TBL1X: variants seen among roughly 807,000 people sequenced by gnomAD.
The protein encoded by TBL1X is F-box-like/WD repeat-containing protein TBL1X.
In TBL1X, 10 loss-of-function variants were observed where a neutral mutation model predicts 50.7. The observed-to-expected ratio is 0.20, with a 90% CI of 0.12 to 0.33. The LOEUF (loss-of-function observed/expected upper bound fraction) is 0.33, where lower values mean the gene tolerates loss of function less well. Ranked by LOEUF, TBL1X falls within the 10% of genes least tolerant of loss-of-function variation. The probability of loss-of-function intolerance (pLI) is 1.00; values close to 1 mark genes in which losing one functional copy is unlikely to be tolerated. For missense variants in TBL1X, 340 were observed against 504.4 expected (o/e 0.67, Z 3.12); for synonymous variants, 190 against 214.7 (o/e 0.88, Z 1.01).
At chrX:9,712,970 C>T (rs966001085) in intron 16 of TBL1X, among the ~76,000 whole-genome samples, 3 of 111,516 alleles carry the variant, frequency 2.7e-5, no homozygotes, top group Non-Finnish European at 5.7e-5. Flanking sequence ...CTTCCCCCTG[C>T]CCCCTTTCAT....
At chrX:9,665,489 C>CTATATA (rs56756151) in intron 5 of TBL1X, among the ~76,000 whole-genome samples, 229 of 19,764 alleles carry the variant, frequency 0.012, 6 homozygotes, top group Non-Finnish European at 0.013. Context: ...GATATTCAAG[C>CTATATA]TATATATATA....
intron 5 of TBL1X, among the ~76,000 whole-genome samples, chrX:9,676,124 C>G (rs1404949383): frequency 8.9e-6 from 1 of 112,239 alleles, no homozygotes; most frequent in Non-Finnish European, 1.9e-5. Context: ...TTCATGCTGT[C>G]TTCCAATTTC....
At chrX:9,551,042 A>G (rs1409124889) in intron 2 of TBL1X, among the ~76,000 whole-genome samples, 1 of 110,819 alleles carries the variant, frequency 9.0e-6, no homozygotes, top group Admixed American at 9.6e-5. Flanking sequence ...GATGTGTAGG[A>G]GCTTTACTTT....
At chrX:9,529,282 A>G (rs1271013622) in intron 2 of TBL1X, among the ~76,000 whole-genome samples, 2 of 110,222 alleles carry the variant, frequency 1.8e-5, no homozygotes, top group Non-Finnish European at 3.8e-5. Context: ...CAGAGATGGC[A>G]TGGCCCTCAA....
At chrX:9,480,028 G>A (rs1286459616) in intron 1 of TBL1X, among the ~76,000 whole-genome samples, 2 of 108,297 alleles carry the variant, frequency 1.8e-5, no homozygotes, top group South Asian at 4.0e-4. Context: ...TCGGCTCACC[G>A]CAACCTCCGC....
chrX:9,609,336 G>GGTTGTGTGTGTGT (rs1555900203), intron 2 of TBL1X, among the ~76,000 whole-genome samples: 8 of 94,773 alleles, frequency 8.4e-5, no homozygotes, highest in African/African-American at 3.2e-4. Context: ...TTTTCTTCCA[G>GGTTGTGTGTGTGT]GTGTGTGTGT....
At chrX:9,594,021 CGCTCGGG>C (rs1447731647) in intron 2 of TBL1X, among the ~76,000 whole-genome samples, 3 of 112,358 alleles carry the variant, frequency 2.7e-5, no homozygotes, top group Admixed American at 9.4e-5. Flanking sequence ...AACTCTGCCC[CGCTCGGG>C]GTTACTGGCC....
chrX:9,558,587 C>T (rs755205432), intron 2 of TBL1X, among the ~76,000 whole-genome samples: 11 of 110,195 alleles, frequency 1.0e-4, no homozygotes, highest in Non-Finnish European at 1.7e-4. Context: ...CTGTTTGTTG[C>T]GGCATCACTT....
chrX:9,633,963 G>A (rs1274046334), intron 2 of TBL1X, among the ~76,000 whole-genome samples: 2 of 111,354 alleles, frequency 1.8e-5, no homozygotes, highest in East Asian at 2.8e-4. Context: ...CCCAGGATAC[G>A]TACGTGCAGC....
At chrX:9,636,696 G>A (rs936970148) in intron 2 of TBL1X, 1 of 112,197 alleles carries the variant, frequency 8.9e-6, no homozygotes, top group African/African-American at 3.2e-5. Context: ...TTCGAGGAAT[G>A]CCCCTTTCTG....
chrX:9,581,000 G>C (rs1345292937), intron 2 of TBL1X, among the ~76,000 whole-genome samples: 1 of 111,933 alleles, frequency 8.9e-6, no homozygotes, highest in Non-Finnish European at 1.9e-5. Flanking sequence ...CGTCTTTCAG[G>C]ATAAATTTAG....
intron 1 of TBL1X, among the ~76,000 whole-genome samples, chrX:9,489,671 G>A: frequency 9.0e-6 from 1 of 111,632 alleles, no homozygotes; most frequent in African/African-American, 3.3e-5. Context: ...TAAAGTCTCT[G>A]TTTGTCACTA....
chrX:9,511,085 A>C (rs765346894), intron 2 of TBL1X, among the ~76,000 whole-genome samples: 1 of 112,274 alleles, frequency 8.9e-6, no homozygotes, highest in Non-Finnish European at 1.9e-5. Context: ...GTGGCCCACA[A>C]AGTAGAAAAT....
chrX:9,542,818 G>A (rs2082221906), intron 2 of TBL1X, among the ~76,000 whole-genome samples: 1 of 111,978 alleles, frequency 8.9e-6, no homozygotes, highest in Non-Finnish European at 1.9e-5. Flanking sequence ...CAATGAGTAC[G>A]ATTTTCCCTG....
intron 2 of TBL1X, among the ~76,000 whole-genome samples, chrX:9,516,946 T>G (rs2082083334): frequency 9.0e-6 from 1 of 110,565 alleles, no homozygotes; most frequent in African/African-American, 3.3e-5. Flanking sequence ...AAAATCAGGG[T>G]TTTGGGTCCT....
chrX:9,492,622 A>G (rs2081950128), intron 1 of TBL1X, among the ~76,000 whole-genome samples: 1 of 111,268 alleles, frequency 9.0e-6, no homozygotes, highest in Admixed American at 9.6e-5. Context: ...GGGAGCCCTT[A>G]CCTCAGCTGG....
intron 2 of TBL1X, among the ~76,000 whole-genome samples, chrX:9,635,028 A>C (rs150408103): frequency 0.018 from 2,010 of 111,268 alleles, 49 homozygotes; most frequent in African/African-American, 0.062. Context: ...GCTGCAGGCA[A>C]GATGTCCGCC....
intron 2 of TBL1X, among the ~76,000 whole-genome samples, chrX:9,592,093 TC>T (rs1415743338): frequency 8.9e-6 from 1 of 112,364 alleles, no homozygotes; most frequent in Non-Finnish European, 1.9e-5. Flanking sequence ...GTCATTTTTT[TC>T]CCCATTGCTG....
chrX:9,565,271 CAAA>C (rs757679440), intron 2 of TBL1X, among the ~76,000 whole-genome samples: 2 of 37,399 alleles, frequency 5.3e-5, no homozygotes, highest in Non-Finnish European at 8.8e-5. Flanking sequence ...GACTCCGTCT[CAAA>C]AAAAAAAAAA....
Sources: allele counts gnomAD v4.1 joint callset (sites outside exome capture counted in the v4.1 genomes callset), GRCh38; gene constraint gnomAD v4.1.1; transcripts MANE v1.5; gene names NCBI Gene and HGNC (gene_info 2026-07-23, HGNC 2026-07-21).